PRDM16: variants seen among roughly 807,000 people sequenced by gnomAD.
PRDM16 encodes PR/SET domain 16.
In PRDM16, 23 loss-of-function variants were observed where a neutral mutation model predicts 110.6. The ratio of observed to expected loss-of-function variants is 0.21; its 90% CI spans 0.15 to 0.29. The LOEUF (loss-of-function observed/expected upper bound fraction) is 0.29. PRDM16 is among the 10% of genes least tolerant of loss of function. The probability of loss-of-function intolerance (pLI) is 1.00; values close to 1 mark genes in which losing one functional copy is unlikely to be tolerated. For synonymous variants in PRDM16, 799 were observed against 781.8 expected (o/e 1.02, Z -0.37); for missense variants, 1,615 against 1,794.3 (o/e 0.90, Z 1.81).
At chr1:3,186,702 T>C in intron 2 of PRDM16, 1 of 458,350 alleles carries the variant, frequency 2.2e-6, no homozygotes, top group Non-Finnish European at 3.8e-6. Flanking sequence ...ACGCCCACTC[T>C]CTCCCGGAAA....
chr1:3,082,370 T>C (rs2742686), intron 1 of PRDM16, among the ~76,000 whole-genome samples: 136,108 of 152,236 alleles, frequency 0.89, 61,100 homozygotes, highest in East Asian at 0.98. Context: ...TAACGGCCCA[T>C]CTGCAACTGG....
At chr1:3,078,163 TC>T (rs1641941061) in intron 1 of PRDM16, among the ~76,000 whole-genome samples, 1 of 152,194 alleles carries the variant, frequency 6.6e-6, no homozygotes, top group Non-Finnish European at 1.5e-5. Context: ...CGTCCTCTCA[TC>T]TTCCCCTGTG....
intron 3 of PRDM16, among the ~76,000 whole-genome samples, chr1:3,316,037 G>A (rs571924533): frequency 1.3e-5 from 2 of 152,092 alleles, no homozygotes; most frequent in South Asian, 4.2e-4. Flanking sequence ...TTGGACAGGG[G>A]CTGGGCCTTT....
intron 15 of PRDM16, among the ~76,000 whole-genome samples, chr1:3,431,666 G>A (rs1638772497): frequency 6.6e-6 from 1 of 152,242 alleles, no homozygotes; most frequent in Admixed American, 6.5e-5. Flanking sequence ...GCTGCCTGGG[G>A]TCTTAGAGAA....
Position 3,385,346 on chromosome 1 carries a change from A to T in PRDM16, c.573+60A>T, listed in dbSNP as rs529237316. ...TTGGAATTGTCCCTGAGGATGTGGC[A>T]CCAAGATTGGTGGAGGTGCCGAGGC... On this transcript the variant is annotated intron_variant, in intron 4 of 16. Transcript: ENST00000270722. The T allele has an allele frequency of 1.2e-5, 19 of 1,585,402 alleles. No individual in the cohort carries two copies. The South Asian group carries it at 2.0e-4, about 17-fold the overall frequency.
At chr1:3,197,959 G>T (rs971935032) in intron 2 of PRDM16, among the ~76,000 whole-genome samples, 6 of 152,236 alleles carry the variant, frequency 3.9e-5, no homozygotes, top group Non-Finnish European at 7.3e-5. Flanking sequence ...CCTGTGGCAG[G>T]AATTCTCATG....
intron 3 of PRDM16, among the ~76,000 whole-genome samples, chr1:3,282,646 A>G (rs1422721401): frequency 1.3e-5 from 2 of 152,184 alleles, no homozygotes; most frequent in African/African-American, 4.8e-5. Context: ...GGTGTCTGGA[A>G]AAAACTCGCC....
intron 1 of PRDM16, among the ~76,000 whole-genome samples, chr1:3,075,960 C>T (rs969052828): frequency 2.0e-5 from 3 of 152,218 alleles, no homozygotes; most frequent in African/African-American, 7.2e-5. Flanking sequence ...GGAGGAGTCA[C>T]GCACTAGGCT....
intron 3 of PRDM16, 94 bp from the exon 4 acceptor site, chr1:3,385,058 G>A (rs540193916): frequency 1.1e-5 from 17 of 1,507,924 alleles, no homozygotes; most frequent in Non-Finnish European, 1.5e-5. Flanking sequence ...TCCTACTTGA[G>A]CCCAAACAGC....
chr1:3,396,184 T>G, intron 4 of PRDM16: 1 of 448,462 alleles, frequency 2.2e-6, no homozygotes, highest in Non-Finnish European at 4.3e-6. Flanking sequence ...GGGCTCTTGG[T>G]GGAAGCGGGG....
At chr1:3,181,122 A>G (rs1291427288) in intron 1 of PRDM16, among the ~76,000 whole-genome samples, 2 of 137,608 alleles carry the variant, frequency 1.5e-5, no homozygotes, top group African/African-American at 5.3e-5. Context: ...GGCCTTACAC[A>G]CGCAGTCTTA....
chr1:3,334,290 C>G (rs1356483847), intron 3 of PRDM16, among the ~76,000 whole-genome samples: 1 of 152,058 alleles, frequency 6.6e-6, no homozygotes, highest in Non-Finnish European at 1.5e-5. Context: ...CCAGGGATTG[C>G]CGGGGTTGGA....
intron 14 of PRDM16, among the ~76,000 whole-genome samples, chr1:3,426,646 G>T (rs1557670494): frequency 6.6e-6 from 1 of 152,096 alleles, no homozygotes; most frequent in African/African-American, 2.4e-5. Flanking sequence ...ACACATGCAC[G>T]CACACACATG....
At chr1:3,282,980 A>G (rs749512537) in intron 3 of PRDM16, among the ~76,000 whole-genome samples, 3 of 152,182 alleles carry the variant, frequency 2.0e-5, no homozygotes, top group Non-Finnish European at 4.4e-5. Context: ...TTTCTTTGAC[A>G]CTGTCATCTT....
At chr1:3,402,677 C>T in intron 5 of PRDM16, 114 bp from the exon 6 acceptor site, 1 of 877,550 alleles carries the variant, frequency 1.1e-6, no homozygotes, top group East Asian at 2.6e-5. Flanking sequence ...GACTGGCCAG[C>T]CTGGGTGCAG....
Position 3,299,381 on chromosome 1 carries a change from T to C in PRDM16, c.438+55244T>C, listed in dbSNP as rs12728296. ...TGGCTGTGATGTTTCAGATCCCAGT[T>C]GTGGTGACTCTGCCCTTGTTGAAGA... On this transcript the variant is annotated intron_variant, in intron 3 of 16. Coordinates refer to ENST00000270722, the MANE Select transcript of PRDM16 (RefSeq NM_022114.4). 4.1e-3 allele frequency among the ~76,000 whole-genome samples: 223 copies of C among 54,690 alleles called. 1 individual carries two copies. The highest frequency in any genetic ancestry group is 0.011 in the Middle Eastern group (1 of 94). 35.9% of individuals were successfully genotyped at this position (54,690 alleles called of 152,430 possible).
intron 1 of PRDM16, among the ~76,000 whole-genome samples, chr1:3,094,641 C>T (rs1464505101): frequency 6.6e-6 from 1 of 152,248 alleles, no homozygotes; most frequent in Non-Finnish European, 1.5e-5. Context: ...TGCTGATGAC[C>T]AGGAATATGT....
chr1:3,355,484 G>A lies in PRDM16; in HGVS notation c.439-29668G>A, dbSNP rs534394168. 2.6e-5 allele frequency among the ~76,000 whole-genome samples: 4 copies of A among 152,314 alleles called. No homozygotes were observed. In the South Asian group the frequency reaches 8.3e-4, roughly 32 times the overall value. On this transcript the variant is annotated intron_variant, in intron 3 of 16. Coordinates refer to ENST00000270722, the MANE Select transcript of PRDM16 (RefSeq NM_022114.4). ...TCCCTACTGGTTGGTGCCACCCTGG[G>A]GAGCTAGGTCTCAGGGGCTCTGCTG...
intron 3 of PRDM16, among the ~76,000 whole-genome samples, chr1:3,377,980 G>A (rs1410406311): frequency 1.3e-5 from 2 of 152,168 alleles, no homozygotes; most frequent in Admixed American, 1.3e-4. Flanking sequence ...GGAGGTGTCA[G>A]GGCTAGAAGA....
Sources: allele counts gnomAD v4.1 joint callset (sites outside exome capture counted in the v4.1 genomes callset), GRCh38; gene constraint gnomAD v4.1.1; transcripts MANE v1.5; gene names NCBI Gene and HGNC (gene_info 2026-07-23, HGNC 2026-07-21).